Variants in MYO16 observed in about 807,000 individuals in gnomAD.
MYO16 encodes unconventional myosin-XVI.
MYO16 carries 94 observed loss-of-function variants against 205.3 expected under a neutral mutation model. That is an observed-to-expected ratio of 0.46 (90% CI 0.39 to 0.54). The LOEUF is 0.54. Among genes scored for constraint, MYO16 ranks in the 20% least tolerant of loss-of-function variants. The pLI, the probability that MYO16 is intolerant of heterozygous loss-of-function variation, is 0.00. For missense variants in MYO16, 2,315 were observed against 2,387.5 expected (o/e 0.97, Z 0.63); for synonymous variants, 988 against 954.0 (o/e 1.04, Z -0.66).
chr13:108,589,204 T>C, the MYO16 span, among the ~76,000 whole-genome samples: 1 of 152,218 alleles, frequency 6.6e-6, no homozygotes, highest in Non-Finnish European at 1.5e-5. Flanking sequence ...GTTTGGATGA[T>C]AAATTATGTC....
chr13:109,140,004 C>A lies in MYO16; in HGVS notation c.4052-260C>A, dbSNP rs533716960. ...GTGGTGGTCTCCTTCCTCACTGGAA[C>A]CCCTTGACGTTCCACTGGACAACCT... On this transcript the variant is annotated intron_variant, in intron 31 of 34. Transcript: ENST00000457511. This position sits in a 1 kb window ranked among gnomAD's most constrained non-coding sequence, Gnocchi z 8.0. Among the ~76,000 whole-genome samples, 21 of 152,202 alleles carry A rather than the reference C, an allele frequency of 1.4e-4. No individual in the cohort carries two copies. The highest frequency in any genetic ancestry group is 3.6e-4 in the African/African-American group (15 of 41,536).
intron 2 of MYO16, among the ~76,000 whole-genome samples, chr13:108,685,451 T>C (rs994944709): frequency 6.6e-6 from 1 of 152,172 alleles, no homozygotes; most frequent in Non-Finnish European, 1.5e-5. Flanking sequence ...TTAAATTGAA[T>C]GGAATTGCTG....
rs61739459 is a variant in MYO16, at chr13:108,910,131, A to G, written c.1906A>G (p.Asn636Asp). The stretch of plus-strand genomic sequence containing the variant: ...TGAAGAAAAATATGGACTTCATCTT[A>G]ATAATTTATGTGCACACCGGTGAGT... ...SAEEKYGLHL[N>D]NLCAHRYLNQ... Residue 636 changes from asparagine (N) to aspartate (D), a missense_variant, in exon 16 of 35, where the codon AAT (asparagine) becomes GAT (aspartate). Transcript: ENST00000457511. The G allele has an allele frequency of 1.8e-4, 285 of 1,613,092 alleles. 2 individuals carry two copies. In the African/African-American group the frequency reaches 3.3e-3, roughly 19 times the overall value.
chr13:108,884,263 A>G (rs532960168), intron 13 of MYO16, among the ~76,000 whole-genome samples: 4 of 152,370 alleles, frequency 2.6e-5, no homozygotes, highest in African/African-American at 9.6e-5. Context: ...TTCATCAAAA[A>G]TTCTATGGAG....
the MYO16 span, among the ~76,000 whole-genome samples, chr13:108,510,471 T>TTG: frequency 1.5e-5 from 2 of 130,568 alleles, no homozygotes; most frequent in African/African-American, 5.9e-5. Flanking sequence ...GTTTTTTTTT[T>TTG]TTTTTTTTTT....
At chr13:108,990,814 GACT>G (rs1884803411) in intron 20 of MYO16, among the ~76,000 whole-genome samples, 1 of 151,988 alleles carries the variant, frequency 6.6e-6, no homozygotes, top group South Asian at 2.1e-4. Context: ...ACAGAATTAT[GACT>G]ACATTTTTAG....
At chr13:108,911,649 G>A (rs1881271308) in intron 16 of MYO16, among the ~76,000 whole-genome samples, 1 of 152,172 alleles carries the variant, frequency 6.6e-6, no homozygotes, top group Admixed American at 6.5e-5. Flanking sequence ...AGTGATTGGG[G>A]GTTTTGAGTA....
intron 27 of MYO16, among the ~76,000 whole-genome samples, chr13:109,088,957 C>G (rs575067478): frequency 6.6e-5 from 10 of 152,222 alleles, no homozygotes; most frequent in Non-Finnish European, 1.3e-4. Flanking sequence ...TTGTGAGAGT[C>G]AGAAACTGAG....
intron 2 of MYO16, among the ~76,000 whole-genome samples, chr13:108,679,080 C>T (rs1020173701): frequency 6.6e-6 from 1 of 152,118 alleles, no homozygotes; most frequent in African/African-American, 2.4e-5. Context: ...CCCAGAGACC[C>T]CACCTCCTAG....
At chr13:109,187,034 A>G (rs541785339) in intron 34 of MYO16, among the ~76,000 whole-genome samples, 5 of 152,338 alleles carry the variant, frequency 3.3e-5, no homozygotes, top group Admixed American at 1.3e-4. Context: ...ACTTGGTTTA[A>G]TTATTCATTT....
chr13:108,626,149 C>G (rs1175982655), upstream of MYO16, among the ~76,000 whole-genome samples: 1 of 151,604 alleles, frequency 6.6e-6, no homozygotes, highest in Non-Finnish European at 1.5e-5. Context: ...TATAATAATG[C>G]TAACATTTAA....
intron 4 of MYO16, among the ~76,000 whole-genome samples, chr13:108,774,726 A>C (rs1886072979): frequency 6.6e-6 from 1 of 152,224 alleles, no homozygotes; most frequent in African/African-American, 2.4e-5. Context: ...TCTAGTGATT[A>C]GATGTAAGAA....
chr13:108,716,172 A>G (rs566661807), intron 3 of MYO16, among the ~76,000 whole-genome samples: 1 of 152,352 alleles, frequency 6.6e-6, no homozygotes, highest in African/African-American at 2.4e-5. Flanking sequence ...TTCAATGCAT[A>G]GTCAACGAAT....
At chr13:109,010,613 A>G (rs1181470135) in intron 22 of MYO16, among the ~76,000 whole-genome samples, 1 of 152,016 alleles carries the variant, frequency 6.6e-6, no homozygotes, top group Admixed American at 6.6e-5. Flanking sequence ...CACCCCAGAG[A>G]AGAGGTCTGT....
intron 16 of MYO16, among the ~76,000 whole-genome samples, chr13:108,952,401 A>T (rs1883192346): frequency 6.6e-6 from 1 of 152,108 alleles, no homozygotes; most frequent in Non-Finnish European, 1.5e-5. Flanking sequence ...GCCAATGACT[A>T]GCTTCACAAC....
At chr13:108,771,838 G>T (rs1411969204) in intron 4 of MYO16, among the ~76,000 whole-genome samples, 1 of 151,508 alleles carries the variant, frequency 6.6e-6, no homozygotes, top group African/African-American at 2.4e-5. Flanking sequence ...GCTCATTTTT[G>T]TATAACTGTG....
intron 20 of MYO16, among the ~76,000 whole-genome samples, chr13:108,972,767 T>A (rs1460434102): frequency 6.6e-6 from 1 of 151,986 alleles, no homozygotes; most frequent in Non-Finnish European, 1.5e-5. Flanking sequence ...CAGAGTGGTT[T>A]GTGGTTTTTT....
chr13:109,123,791 G>C (rs542557517), intron 29 of MYO16, among the ~76,000 whole-genome samples: 1 of 152,248 alleles, frequency 6.6e-6, no homozygotes, highest in South Asian at 2.1e-4. Flanking sequence ...AGCTACTCAA[G>C]TAAACACATC....
At chr13:108,683,784 G>A (rs992721328) in intron 2 of MYO16, among the ~76,000 whole-genome samples, 1 of 152,188 alleles carries the variant, frequency 6.6e-6, no homozygotes, top group Non-Finnish European at 1.5e-5. Context: ...CTGGGGCCCT[G>A]GTGTGTGTCC....
Sources: allele counts gnomAD v4.1 joint callset (sites outside exome capture counted in the v4.1 genomes callset), GRCh38; gene constraint gnomAD v4.1.1; non-coding constraint Gnocchi (gnomAD v3.1); transcripts MANE v1.5; gene names NCBI Gene and HGNC (gene_info 2026-07-23, HGNC 2026-07-21).